The following ZNF385B variants were observed in gnomAD, a reference collection of about 807,000 sequenced individuals.
ZNF385B encodes zinc finger protein 533.
ZNF385B carries 23 observed loss-of-function variants against 39.2 expected under a neutral mutation model. The observed-to-expected ratio is 0.59, with a 90% CI of 0.42 to 0.83. The LOEUF is 0.83. ZNF385B is among the 40% of genes least tolerant of loss of function. ZNF385B has a pLI of 0.00. For missense variants in ZNF385B, 552 were observed against 598.9 expected (o/e 0.92, Z 0.82); for synonymous variants, 205 against 222.6 (o/e 0.92, Z 0.70).
intron 3 of ZNF385B, among the ~76,000 whole-genome samples, chr2:179,615,222 A>G (rs912735008): frequency 6.6e-6 from 1 of 152,224 alleles, no homozygotes; most frequent in African/African-American, 2.4e-5. Context: ...ATTTGTTTCT[A>G]AATGATGGCA....
intron 1 of ZNF385B, among the ~76,000 whole-genome samples, chr2:179,844,565 A>T (rs1041185096): frequency 6.6e-6 from 1 of 152,218 alleles, no homozygotes; most frequent in Non-Finnish European, 1.5e-5. Flanking sequence ...CTTCAGCAAG[A>T]TTTAAAATTA....
intron 1 of ZNF385B, among the ~76,000 whole-genome samples, chr2:179,819,971 G>A (rs1707306974): frequency 1.3e-5 from 2 of 152,082 alleles, no homozygotes; most frequent in African/African-American, 4.8e-5. Flanking sequence ...TTAAAAAAAT[G>A]TCATTAGCAC....
intron 3 of ZNF385B, among the ~76,000 whole-genome samples, chr2:179,763,567 T>G (rs886166357): frequency 1.3e-5 from 2 of 152,204 alleles, no homozygotes; most frequent in African/African-American, 4.8e-5. Flanking sequence ...ATCTATTCTT[T>G]TCTAGCTTCT....
intron 3 of ZNF385B, among the ~76,000 whole-genome samples, chr2:179,603,798 A>G (rs1432651480): frequency 6.6e-6 from 1 of 152,184 alleles, no homozygotes; most frequent in Middle Eastern, 3.2e-3. Flanking sequence ...TAATTCCTCC[A>G]TATACTCGCT....
At chr2:179,444,156 T>C (rs1185270018) in intron 9 of ZNF385B, among the ~76,000 whole-genome samples, 1 of 152,252 alleles carries the variant, frequency 6.6e-6, no homozygotes, top group Non-Finnish European at 1.5e-5. Flanking sequence ...ATTTGCTTAA[T>C]GCAGGTAACA....
chr2:179,734,036 C>A (rs1018222299), intron 3 of ZNF385B, among the ~76,000 whole-genome samples: 1 of 152,070 alleles, frequency 6.6e-6, no homozygotes, highest in African/African-American at 2.4e-5. Context: ...CTGCATATTG[C>A]AAATTTTTCT....
intron 3 of ZNF385B, among the ~76,000 whole-genome samples, chr2:179,756,378 G>A (rs1703019898): frequency 6.6e-6 from 1 of 152,152 alleles, no homozygotes; most frequent in Non-Finnish European, 1.5e-5. Context: ...TCCTTTGTGG[G>A]TAACCCGACC....
chr2:179,502,413 A>AG (rs1443975718), intron 5 of ZNF385B, among the ~76,000 whole-genome samples: 1 of 152,102 alleles, frequency 6.6e-6, no homozygotes, highest in East Asian at 1.9e-4. Context: ...CCAGTGTTGG[A>AG]GGAGAGGCCT....
rs889541827 is a variant in ZNF385B, at chr2:179,698,145, C to T, written c.298+71358G>A. On this transcript the variant is annotated intron_variant, in intron 3 of 9. Coordinates refer to ENST00000410066, the MANE Select transcript of ZNF385B (RefSeq NM_152520.6). ...ACATGGCACATGTAACAAACCTGCA[C>T]GTTGTGCACATGTACTGTAGAACTT... Among the ~76,000 whole-genome samples, 9 of 150,572 alleles carry T rather than the reference C, an allele frequency of 6.0e-5. No individual in the cohort carries two copies. In the Middle Eastern group the frequency reaches 0.011, roughly 177 times the overall value.
At chr2:179,457,755 G>A (rs1247533909) in intron 6 of ZNF385B, among the ~76,000 whole-genome samples, 2 of 152,100 alleles carry the variant, frequency 1.3e-5, no homozygotes, top group Non-Finnish European at 2.9e-5. Context: ...TTTATAGGAA[G>A]TCTTTAAATA....
At chr2:179,695,855 G>C (rs1014809849) in intron 3 of ZNF385B, among the ~76,000 whole-genome samples, 7 of 152,128 alleles carry the variant, frequency 4.6e-5, no homozygotes, top group African/African-American at 1.7e-4. Flanking sequence ...TCAATCAACA[G>C]ACAAGTGAAT....
intron 3 of ZNF385B, among the ~76,000 whole-genome samples, chr2:179,683,709 C>G (rs1041669746): frequency 7.2e-5 from 11 of 152,118 alleles, no homozygotes; most frequent in African/African-American, 2.7e-4. Flanking sequence ...CTCCTGACAT[C>G]AGGTGATCCA....
chr2:179,704,729 C>G (rs1386389066), intron 3 of ZNF385B, among the ~76,000 whole-genome samples: 2 of 152,174 alleles, frequency 1.3e-5, no homozygotes, highest in Non-Finnish European at 2.9e-5. Flanking sequence ...TCTTCTCCAC[C>G]AGGATCTGTT....
chr2:179,614,653 G>A (rs925445155), intron 3 of ZNF385B, among the ~76,000 whole-genome samples: 12 of 152,152 alleles, frequency 7.9e-5, no homozygotes, highest in East Asian at 1.9e-4. Context: ...AGCACAGATT[G>A]ACAGTACTGA....
chr2:179,521,354 T>TTTA (rs71936204), intron 4 of ZNF385B, among the ~76,000 whole-genome samples: 1 of 10,546 alleles, frequency 9.5e-5, no homozygotes, highest in East Asian at 7.1e-3. Context: ...ACCTGGCCAG[T>TTTA]TTTTTTTTTT....
chr2:179,726,986 A>C (rs1701063439), intron 3 of ZNF385B, among the ~76,000 whole-genome samples: 1 of 152,058 alleles, frequency 6.6e-6, no homozygotes, highest in Non-Finnish European at 1.5e-5. Flanking sequence ...CTTTAACCAC[A>C]ATGTGTGACT....
At chr2:179,696,894 G>A (rs956618338) in intron 3 of ZNF385B, among the ~76,000 whole-genome samples, 16 of 152,038 alleles carry the variant, frequency 1.1e-4, no homozygotes, top group African/African-American at 2.9e-4. Flanking sequence ...ATTCAGCCCC[G>A]TAAAGAAGGA....
chr2:179,513,581 ACAACC>A, intron 5 of ZNF385B, among the ~76,000 whole-genome samples: 1 of 152,364 alleles, frequency 6.6e-6, no homozygotes, highest in South Asian at 2.1e-4. Flanking sequence ...TATGCCTTCC[ACAACC>A]CAACCCATTA....
At chr2:179,685,957 C>G (rs1697892058) in intron 3 of ZNF385B, among the ~76,000 whole-genome samples, 1 of 152,176 alleles carries the variant, frequency 6.6e-6, no homozygotes, top group African/African-American at 2.4e-5. Flanking sequence ...AGGCTCTGAC[C>G]TGGCTGCCTT....
Sources: allele counts gnomAD v4.1 joint callset (sites outside exome capture counted in the v4.1 genomes callset), GRCh38; gene constraint gnomAD v4.1.1; transcripts MANE v1.5; gene names NCBI Gene and HGNC (gene_info 2026-07-23, HGNC 2026-07-21).